The following SPMIP2 variants were observed in gnomAD, a reference collection of about 807,000 sequenced individuals.
SPMIP2 encodes sperm microtubule inner protein 2.
At chr4:159,043,912 C>G in the SPMIP2 span, among the ~76,000 whole-genome samples, 1 of 152,130 alleles carries the variant, frequency 6.6e-6, no homozygotes, top group African/African-American at 2.4e-5. Context: ...CATTCAAATA[C>G]GTGACTATTG....
the SPMIP2 span, among the ~76,000 whole-genome samples, chr4:158,911,380 A>AAATAAATAAATAAATAAAT: frequency 2.6e-4 from 35 of 135,482 alleles, no homozygotes; most frequent in African/African-American, 1.2e-3. Context: ...ATAAATAAAT[A>AAATAAATAAATAAATAAAT]AATAAAATAA....
chr4:159,069,270 T>A, the SPMIP2 span, among the ~76,000 whole-genome samples: 1 of 152,054 alleles, frequency 6.6e-6, no homozygotes, highest in Non-Finnish European at 1.5e-5. Flanking sequence ...GCCACTGCAC[T>A]CCAGCCTGGG....
the SPMIP2 span, among the ~76,000 whole-genome samples, chr4:158,919,644 T>C: frequency 1.3e-5 from 2 of 152,368 alleles, no homozygotes; most frequent in East Asian, 3.9e-4. Flanking sequence ...AAAAGTACTT[T>C]GAAATTATGT....
chr4:158,916,822 T>C, the SPMIP2 span, among the ~76,000 whole-genome samples: 687 of 152,326 alleles, frequency 4.5e-3, 7 homozygotes, highest in African/African-American at 0.016. Context: ...TTTTGTATTT[T>C]TAGTAGAGAT....
chr4:159,034,904 C>G, the SPMIP2 span: 1 of 731,538 alleles, frequency 1.4e-6, no homozygotes, highest in African/African-American at 1.8e-5. Flanking sequence ...AAAAAAAACC[C>G]AAAAAACAAA....
At chr4:159,060,155 C>G in the SPMIP2 span, among the ~76,000 whole-genome samples, 5 of 152,046 alleles carry the variant, frequency 3.3e-5, no homozygotes, top group East Asian at 7.7e-4. Flanking sequence ...GAATAGGAAC[C>G]AAGACAGATT....
At chr4:159,080,093 G>C in the SPMIP2 span, among the ~76,000 whole-genome samples, 2 of 152,214 alleles carry the variant, frequency 1.3e-5, no homozygotes, top group African/African-American at 4.8e-5. Flanking sequence ...AATCCCAGTT[G>C]TCTTTTGGCA....
chr4:159,044,302 G>A, the SPMIP2 span, among the ~76,000 whole-genome samples: 1 of 148,962 alleles, frequency 6.7e-6, no homozygotes, highest in Non-Finnish European at 1.5e-5. Context: ...CCAGGAAGTG[G>A]AGGTTGCAGT....
chr4:158,960,042 A>G, the SPMIP2 span, among the ~76,000 whole-genome samples: 1 of 152,012 alleles, frequency 6.6e-6, no homozygotes, highest in Non-Finnish European at 1.5e-5. Flanking sequence ...CCTTTTCTTT[A>G]CTATAGTCTA....
the SPMIP2 span, among the ~76,000 whole-genome samples, chr4:158,970,726 T>C: frequency 1.1e-4 from 16 of 150,742 alleles, no homozygotes; most frequent in African/African-American, 3.2e-4. Flanking sequence ...TTTTTTTTCC[T>C]ATTCTAAAGC....
the SPMIP2 span, among the ~76,000 whole-genome samples, chr4:158,980,222 A>C: frequency 1.3e-5 from 2 of 152,086 alleles, no homozygotes; most frequent in African/African-American, 4.8e-5. Context: ...GTTATAGATA[A>C]ATTCTCCTCT....
the SPMIP2 span, among the ~76,000 whole-genome samples, chr4:158,911,820 A>G: frequency 2.0e-5 from 3 of 152,236 alleles, no homozygotes; most frequent in Non-Finnish European, 4.4e-5. Context: ...AAAAGAATGT[A>G]TCAGTCACTG....
chr4:158,921,484 G>A, the SPMIP2 span, among the ~76,000 whole-genome samples: 3 of 151,926 alleles, frequency 2.0e-5, no homozygotes, highest in Non-Finnish European at 4.4e-5. Flanking sequence ...AAAAAAGAAA[G>A]TGTATAGCAC....
the SPMIP2 span, among the ~76,000 whole-genome samples, chr4:158,976,082 A>T: frequency 6.6e-6 from 1 of 152,002 alleles, no homozygotes; most frequent in Non-Finnish European, 1.5e-5. Context: ...GAGTTCACTC[A>T]TGATTTGGCT....
chr4:159,073,346 G>T, the SPMIP2 span, among the ~76,000 whole-genome samples: 1 of 152,014 alleles, frequency 6.6e-6, no homozygotes, highest in African/African-American at 2.4e-5. Flanking sequence ...TAGGAATGGG[G>T]TTTCACCATG....
chr4:159,051,720 C>T, the SPMIP2 span, among the ~76,000 whole-genome samples: 1 of 152,248 alleles, frequency 6.6e-6, no homozygotes, highest in African/African-American at 2.4e-5. Flanking sequence ...TTATTTATTA[C>T]TCAGGTTTTT....
the SPMIP2 span, among the ~76,000 whole-genome samples, chr4:158,999,795 A>G: frequency 6.6e-6 from 1 of 152,236 alleles, no homozygotes; most frequent in Admixed American, 6.5e-5. Flanking sequence ...AAGCCACATG[A>G]CAGTAAAGAT....
At chr4:159,035,962 G>A in the SPMIP2 span, among the ~76,000 whole-genome samples, 1 of 152,088 alleles carries the variant, frequency 6.6e-6, no homozygotes, top group Non-Finnish European at 1.5e-5. Context: ...TGACTTCTAG[G>A]AGTTTATGAT....
chr4:158,960,146 A>T, the SPMIP2 span: 4 of 580,726 alleles, frequency 6.9e-6, no homozygotes, highest in Non-Finnish European at 1.2e-5. Flanking sequence ...TATTAGAAAT[A>T]AAAATTCGTA....
Sources: allele counts gnomAD v4.1 joint callset (sites outside exome capture counted in the v4.1 genomes callset), GRCh38; gene constraint gnomAD v4.1.1; transcripts MANE v1.5; gene names NCBI Gene and HGNC (gene_info 2026-07-23, HGNC 2026-07-21).